Variants in ANXA7 observed in about 807,000 individuals in gnomAD.
The protein encoded by ANXA7 is annexin A7, also known as annexin VII.
In ANXA7, 55 loss-of-function variants were observed where a neutral mutation model predicts 64.9. The observed-to-expected ratio is 0.85, with a 90% confidence interval of 0.68 to 1.06. ANXA7 has a LOEUF of 1.06. ANXA7 is among the 50% of genes least tolerant of loss of function. The probability of loss-of-function intolerance (pLI) is 0.00; values close to 1 mark genes in which losing one functional copy is unlikely to be tolerated. For synonymous variants in ANXA7, 200 were observed against 192.4 expected, an observed-to-expected ratio of 1.04 and a Z score of -0.33; for missense variants, 548 against 582.1, an observed-to-expected ratio of 0.94 and a Z score of 0.60.
chr10:73,394,565 A>G (rs1368123318), intron 5 of ANXA7, among the ~76,000 whole-genome samples: 1 of 152,236 alleles, frequency 6.6e-6, no homozygotes, highest in East Asian at 1.9e-4. Context: ...TTGTAGGGAC[A>G]TGGATGAAGC....
In ANXA7 at chr10:73,379,880, G is replaced by A; in HGVS notation, c.1164C>T (p.Ile388=). The stretch of plus-strand genomic sequence containing the variant: ...AAGCAAAGCACAAAAATATCTTACA[G>A]ATGGTCTTCAAACCACTTTCTACAT... ...SGYVESGLKT[I]LQCALNRPAF... Residue 388 remains isoleucine (I), a splice_region_variant and synonymous_variant, in exon 11 of 13, where the codon ATC becomes ATT. Transcript: ENST00000372921. 6.2e-7 allele frequency: 1 copy of A among 1,613,760 alleles called. No homozygotes were observed. Among genetic ancestry groups the A allele is most frequent in the Non-Finnish European group, 8.5e-7 (1 of 1,179,692 alleles).
At chr10:73,400,776 T>C (rs1407622274) in intron 2 of ANXA7, 27 bp downstream of exon 2, 1 of 1,576,442 alleles carries the variant, frequency 6.3e-7, no homozygotes. Flanking sequence ...GTTTTAAGGA[T>C]GTGAGGTATT....
At chr10:73,386,374 G>A (rs935983530) in intron 7 of ANXA7, among the ~76,000 whole-genome samples, 30 of 152,092 alleles carry the variant, frequency 2.0e-4, no homozygotes, top group African/African-American at 7.0e-4. Flanking sequence ...ACTTGGTACT[G>A]TAATACAAAG....
intron 1 of ANXA7, among the ~76,000 whole-genome samples, chr10:73,402,176 T>A (rs144457777): frequency 2.9e-3 from 441 of 152,234 alleles, no homozygotes; most frequent in African/African-American, 9.5e-3. Flanking sequence ...GATTAAACCC[T>A]AGCTTTCTTT....
intron 5 of ANXA7, 100 bp from the exon 6 acceptor site, chr10:73,388,514 CA>C: frequency 1.1e-6 from 1 of 896,498 alleles, no homozygotes; most frequent in Non-Finnish European, 1.8e-6. Flanking sequence ...GTAAGAAGGC[CA>C]ATGTTTGGGT....
chr10:73,394,638 C>T (rs1394496942), intron 5 of ANXA7, among the ~76,000 whole-genome samples: 1 of 152,156 alleles, frequency 6.6e-6, no homozygotes, highest in African/African-American at 2.4e-5. Context: ...CATGGTCTCA[C>T]TCATAGGTGG....
In ANXA7 at chr10:73,412,795, C is replaced by CTTTTT. The variant is rs55814659; in HGVS notation, c.-2+1212_-2+1216dup. 2.0e-3 allele frequency among the ~76,000 whole-genome samples: 261 copies of CTTTTT among 131,598 alleles called. 2 individuals carry two copies. The highest frequency in any genetic ancestry group is 7.1e-3 in the African/African-American group (254 of 35,976). 86.3% of individuals were successfully genotyped at this position (131,598 alleles called of 152,430 possible). The stretch of plus-strand genomic sequence containing the variant: ...ACAGGAGTGAGCCACCGCGCTCGGG[C>CTTTTT]TTTTTTTTTTTTTTTTTTAAACATT... On this transcript the variant is annotated intron_variant, in intron 1 of 12. Transcript: ENST00000372921.
rs991223109 is a variant in ANXA7 at position 73,375,879 on chromosome 10, G to A, written c.*216C>T. The A allele has an allele frequency of 1.8e-5, 6 of 342,034 alleles. No homozygotes were observed. Among genetic ancestry groups the A allele is most frequent in the Non-Finnish European group, 3.1e-5 (6 of 191,288 alleles). 21.2% of individuals were successfully genotyped at this position (342,034 alleles called of 1,614,324 possible). ...AACATTGCAATATTACTGTATCATT[G>A]TGATATGGCTTTACATTGATTGTAT... On this transcript the variant is annotated 3_prime_UTR_variant, in exon 13 of 13. Coordinates refer to ENST00000372921, the MANE Select transcript of ANXA7 (RefSeq NM_001156.5).
chr10:73,389,697 C>T (rs2055437790), intron 5 of ANXA7, among the ~76,000 whole-genome samples: 1 of 152,220 alleles, frequency 6.6e-6, no homozygotes, highest in Admixed American at 6.5e-5. Context: ...ACAAACATAG[C>T]TCACAGTAAC....
chr10:73,385,857 C>T (rs564189313), intron 7 of ANXA7, among the ~76,000 whole-genome samples: 3 of 152,004 alleles, frequency 2.0e-5, no homozygotes, highest in Non-Finnish European at 4.4e-5. Flanking sequence ...GGACCACTAC[C>T]CCATTCTGAG....
intron 11 of ANXA7, among the ~76,000 whole-genome samples, chr10:73,379,455 A>G (rs2055238313): frequency 6.6e-6 from 1 of 152,256 alleles, no homozygotes; most frequent in Non-Finnish European, 1.5e-5. Context: ...AACTTCAAAA[A>G]GGAAATGAGT....
chr10:73,388,374 G>C lies in ANXA7; in HGVS notation c.476C>G (p.Pro159Arg). The C allele has an allele frequency of 6.2e-7, 1 of 1,613,970 alleles. No homozygotes were observed. The highest frequency in any genetic ancestry group is 1.1e-5 in the South Asian group (1 of 91,050). Residue 159 changes from proline (P) to arginine (R), a missense_variant, in exon 6 of 13, where the codon CCA becomes CGA. Physicochemically the swap from Pro to Arg is moderately radical, Grantham distance 103. Coordinates refer to ENST00000372921, the MANE Select transcript of ANXA7 (RefSeq NM_001156.5). ...TCTTATAGCATCGAAGTTGGCAGCTGGTCGGATAGTTCCTTGAGTGACCTG... is the reference window on the plus strand; with the variant it reads ...TCTTATAGCATCGAAGTTGGCAGCTCGTCGGATAGTTCCTTGAGTGACCTG... ...VTQVTQGTIRPAANFDAIRDA... is the reference protein window; with the variant it reads ...VTQVTQGTIRRAANFDAIRDA...
intron 4 of ANXA7, 143 bp from the exon 5 acceptor site, chr10:73,396,726 T>C: frequency 1.8e-6 from 1 of 545,758 alleles, no homozygotes; most frequent in Non-Finnish European, 3.1e-6. Context: ...TTTAAAAATA[T>C]AATTTACTGA....
At position 73,390,882 on chromosome 10, in the gene ANXA7, A is replaced by T. The variant is rs960011447; in HGVS notation, c.436-2468T>A. 5.3e-5 allele frequency among the ~76,000 whole-genome samples: 8 copies of T among 151,912 alleles called. No homozygotes were observed. The East Asian group carries it at 1.5e-3, about 29-fold the overall frequency. On this transcript the variant is annotated intron_variant, in intron 5 of 12. Transcript: ENST00000372921. ...GCATTAAACTGAATTCAAAGAAATC[A>T]GGATCTGGGCTGGGCACAGTGGCTC...
intron 1 of ANXA7, among the ~76,000 whole-genome samples, chr10:73,412,503 T>G (rs920276513): frequency 1.2e-4 from 18 of 151,778 alleles, no homozygotes; most frequent in Admixed American, 7.2e-4. Context: ...TTTTGGGTTT[T>G]TTTTTTTTTT....
chr10:73,395,786 CAAAAA>C (rs10718150), intron 5 of ANXA7: 8 of 423,338 alleles, frequency 1.9e-5, no homozygotes, highest in Non-Finnish European at 2.1e-5. Context: ...AACTCCATCT[CAAAAA>C]AAAAAAAAAA....
intron 2 of ANXA7, among the ~76,000 whole-genome samples, chr10:73,400,324 GTTAA>G (rs2055641285): frequency 6.6e-6 from 1 of 151,972 alleles, no homozygotes; most frequent in Non-Finnish European, 1.5e-5. Context: ...TAGCCAAGCC[GTTAA>G]TTATTTTAAA....
chr10:73,406,310 C>T (rs1425267190), intron 1 of ANXA7, among the ~76,000 whole-genome samples: 1 of 152,106 alleles, frequency 6.6e-6, no homozygotes, highest in African/African-American at 2.4e-5. Flanking sequence ...AATTTCTGTT[C>T]TCATGGTCAT....
chr10:73,383,779 A>G, intron 7 of ANXA7, 89 bp from the exon 8 acceptor site: 1 of 879,016 alleles, frequency 1.1e-6, no homozygotes. Context: ...AAAGAAATGG[A>G]ATTGCTTTAT....
Sources: allele counts gnomAD v4.1 joint callset (sites outside exome capture counted in the v4.1 genomes callset), GRCh38; gene constraint gnomAD v4.1.1; transcripts MANE v1.5; gene names NCBI Gene and HGNC (gene_info 2026-07-23, HGNC 2026-07-21).